CYB561D1: variants seen among roughly 807,000 people sequenced by gnomAD.
CYB561D1 encodes the protein cytochrome b561 family member D1.
A neutral mutation model predicts 19.2 loss-of-function variants in CYB561D1; 15 were observed. The ratio of observed to expected loss-of-function variants is 0.78; its 90% CI spans 0.52 to 1.20. The LOEUF (loss-of-function observed/expected upper bound fraction) is 1.20. CYB561D1 is among the 50% of genes most tolerant of loss of function. CYB561D1 has a pLI of 0.00. For synonymous variants in CYB561D1, 133 were observed against 120.6 expected, an observed-to-expected ratio of 1.10 and a Z score of -0.68; for missense variants, 297 against 287.3, an observed-to-expected ratio of 1.03 and a Z score of -0.24.
rs370869732 is a variant in CYB561D1 at position 109,494,167 on chromosome 1, C to A, written c.28C>A (p.Pro10Thr). 15 of 1,544,442 alleles carry A rather than the reference C, an allele frequency of 9.7e-6. No homozygotes were observed. In the South Asian group the frequency reaches 1.7e-4, roughly 17 times the overall value. MQPLEVGLV[P>T]APAGEPRLTR... The stretch of plus-strand genomic sequence containing the variant: ...GCAGCCCCTGGAGGTAGGTCTGGTT[C>A]CCGCTCCAGCTGGGGAGCCGAGACT... Residue 10 changes from proline to threonine, a missense_variant, in exon 1 of 3, where the codon CCC becomes ACC. Pro to Thr is a conservative substitution (Grantham distance 38, BLOSUM62 -1). Coordinates refer to ENST00000420578, the MANE Select transcript of CYB561D1 (RefSeq NM_182580.3).
rs994077207 is a variant in CYB561D1 at position 109,497,999 on chromosome 1, C to T, written c.*1740C>T. On this transcript the variant is annotated 3_prime_UTR_variant, in exon 3 of 3. Transcript: ENST00000420578. Reference sequence around the variant, plus strand: ...ATTGTCCTCCCTCCTCTCAAACTCTCCAGTGTGGTGTGAACTCAGAAGAAA... The same window carrying T: ...ATTGTCCTCCCTCCTCTCAAACTCTTCAGTGTGGTGTGAACTCAGAAGAAA... The T allele has an allele frequency of 6.6e-6, 1 of 152,316 alleles. No individual in the cohort carries two copies. The highest frequency in any genetic ancestry group is 1.5e-5 in the Non-Finnish European group (1 of 68,106). The allele number at this position is 152,316 out of a possible 1,614,324, so 9.4% of individuals were successfully genotyped here.
chr1:109,494,786 G>C (rs1476147510), intron 1 of CYB561D1, among the ~76,000 whole-genome samples: 1 of 151,702 alleles, frequency 6.6e-6, no homozygotes, highest in Non-Finnish European at 1.5e-5. Flanking sequence ...GCAGTGAGCC[G>C]AGATTGCACC....
rs1176969689 is a variant in CYB561D1 at position 109,498,268 on chromosome 1, C to G, written c.*2009C>G. On this transcript the variant is annotated 3_prime_UTR_variant, in exon 3 of 3. Transcript: ENST00000420578. ...GCTGGTGGGCGGGCGGGCAGGCGTGCTGACAGCCGGCAGTTTGCGTGGGCT... is the reference window on the plus strand; with the variant it reads ...GCTGGTGGGCGGGCGGGCAGGCGTGGTGACAGCCGGCAGTTTGCGTGGGCT... 2 of 152,358 alleles carry G rather than the reference C, an allele frequency of 1.3e-5. No individual in the cohort carries two copies. Among genetic ancestry groups the G allele is most frequent in the African/African-American group, 4.8e-5 (2 of 41,460 alleles). The allele number at this position is 152,358 out of a possible 1,614,324, so 9.4% of individuals were successfully genotyped here.
In CYB561D1 at chr1:109,496,089, T is replaced by C; in HGVS notation, c.520T>C (p.Tyr174His). 2 of 1,614,186 alleles carry C rather than the reference T, an allele frequency of 1.2e-6. No individual in the cohort carries two copies. The highest frequency in any genetic ancestry group is 1.7e-6 in the Non-Finnish European group (2 of 1,179,992). The change falls in exon 3 of 3, where the codon TAC becomes CAC. Residue 174 changes from tyrosine (Y) to histidine (H), a missense_variant. By Grantham distance (83) the Tyr-to-His change is moderately conservative. Transcript: ENST00000420578. ...LYHLTCGLVV[Y>H]LMATVTVLLG... Reference sequence around the variant, plus strand: ...CCATCTGACATGTGGACTGGTGGTCTACCTGATGGCTACAGTAACGGTGCT... The same window carrying C: ...CCATCTGACATGTGGACTGGTGGTCCACCTGATGGCTACAGTAACGGTGCT...
Position 109,496,168 on chromosome 1 carries a change from A to G in CYB561D1, c.599A>G (p.Tyr200Cys). The G allele has an allele frequency of 6.2e-7, 1 of 1,612,974 alleles. No homozygotes were observed. The highest frequency in any genetic ancestry group is 8.5e-7 in the Non-Finnish European group (1 of 1,179,016). The change falls in exon 3 of 3, where the codon TAC (tyrosine) becomes TGC (cysteine). Residue 200 changes from tyrosine (Y) to cysteine (C), a missense_variant. Tyr to Cys is a radical substitution (Grantham distance 194). Coordinates refer to ENST00000420578, the MANE Select transcript of CYB561D1 (RefSeq NM_182580.3). The stretch of plus-strand genomic sequence containing the variant: ...GCCCAGATCAAAGGTGCGGCCTGGT[A>G]CCTGTGCCTGGCACTGCCCGTCTAT... ...FQAQIKGAAW[Y>C]LCLALPVYPA...
Position 109,498,389 on chromosome 1 carries a change from C to G in CYB561D1, c.*2130C>G, listed in dbSNP as rs1483189660. On this transcript the variant is annotated 3_prime_UTR_variant, in exon 3 of 3. Transcript: ENST00000420578. ...CCCCAGCTGTCGCCTTTCTGACCAG[C>G]AGGCCTGGAGGGCAGGGGCACAGAG... The G allele has an allele frequency of 6.7e-6, 1 of 148,330 alleles. No homozygotes were observed. Among genetic ancestry groups the G allele is most frequent in the Non-Finnish European group, 1.5e-5 (1 of 66,812 alleles). The allele number at this position is 148,330 out of a possible 1,614,324, so 9.2% of individuals were successfully genotyped here.
At chr1:109,494,311 G>A in intron 1 of CYB561D1, 24 bp downstream of exon 1, 1 of 1,558,506 alleles carries the variant, frequency 6.4e-7, no homozygotes, top group Non-Finnish European at 8.7e-7. Context: ...GCGGGGTTGC[G>A]GAAGGGGGCG....
Position 109,495,689 on chromosome 1 carries a change from A to G in CYB561D1, c.187-67A>G, listed in dbSNP as rs202045101. 1.7e-3 allele frequency: 2,688 copies of G among 1,613,392 alleles called. 2 individuals carry two copies. Among genetic ancestry groups the G allele is most frequent in the Non-Finnish European group, 2.0e-3 (2,405 of 1,179,556 alleles). On this transcript the variant is annotated intron_variant, in intron 2 of 2. Transcript: ENST00000420578. ...TGTCCTCTTTGTTAGGATGTATGAG[A>G]GCACCTCCTTTTTCTCAGGCCTCCA...
rs1657341770 is a variant in CYB561D1 at position 109,494,215 on chromosome 1, A to G, written c.76A>G (p.Ser26Gly). 6.4e-6 allele frequency: 10 copies of G among 1,566,828 alleles called. No homozygotes were observed. The highest frequency in any genetic ancestry group is 7.8e-6 in the Non-Finnish European group (9 of 1,155,722). Residue 26 changes from serine to glycine, a missense_variant, in exon 1 of 3, where the codon AGT (serine) becomes GGT (glycine). Physicochemically the swap from Ser to Gly is moderately conservative, Grantham distance 56. Transcript: ENST00000420578. ...ACTGACCCGCTGGCTGCGGAGAGGC[A>G]GTGGGATCTTGGCGCACCTGGTAGC... ...PRLTRWLRRG[S>G]GILAHLVALG... is the part of the protein sequence containing the mutation.
chr1:109,494,515 C>T (rs1346149446), intron 1 of CYB561D1: 1 of 1,528,076 alleles, frequency 6.5e-7, no homozygotes, highest in African/African-American at 1.4e-5. Flanking sequence ...GAACTACTTC[C>T]TCAGAAACAG....
intron 1 of CYB561D1, among the ~76,000 whole-genome samples, 192 bp from the exon 2 acceptor site, chr1:109,494,943 TTGTATGTG>T (rs1406973053): frequency 6.6e-6 from 1 of 151,860 alleles, no homozygotes; most frequent in African/African-American, 2.4e-5. Flanking sequence ...GGCCAAACTG[TTGTATGTG>T]TGTGGATAAG....
At position 109,495,863 on chromosome 1, in the gene CYB561D1, C is replaced by A; in HGVS notation, c.294C>A (p.Thr98=). Residue 98 remains threonine, a synonymous_variant, in exon 3 of 3, where the codon ACC becomes ACA. Coordinates refer to ENST00000420578, the MANE Select transcript of CYB561D1 (RefSeq NM_182580.3). ...ARIRLHWAGQ[T]LAILCAALGL... ...TCCGGCTCCACTGGGCAGGGCAGACCCTAGCCATCCTCTGTGCAGCTCTGG... is the reference window on the plus strand; with the variant it reads ...TCCGGCTCCACTGGGCAGGGCAGACACTAGCCATCCTCTGTGCAGCTCTGG... 4 of 1,613,894 alleles carry A rather than the reference C, an allele frequency of 2.5e-6. No homozygotes were observed. The highest frequency in any genetic ancestry group is 3.4e-6 in the Non-Finnish European group (4 of 1,180,044).
chr1:109,495,988 T>G lies in CYB561D1; in HGVS notation c.419T>G (p.Val140Gly), dbSNP rs368939600. 2.5e-6 allele frequency: 4 copies of G among 1,610,302 alleles called. No individual in the cohort carries two copies. Among genetic ancestry groups the G allele is most frequent in the South Asian group, 1.1e-5 (1 of 90,832 alleles). Residue 140 changes from valine to glycine, a missense_variant, in exon 3 of 3, where the codon GTC (valine) becomes GGC (glycine). By Grantham distance (109) the Val-to-Gly change is moderately radical (BLOSUM62 -3). Coordinates refer to ENST00000420578, the MANE Select transcript of CYB561D1 (RefSeq NM_182580.3). ...VGALTLLATA[V>G]QALCGLCLLC... is the part of the protein sequence containing the mutation. ...GCCCTGACACTGCTGGCCACTGCTG[T>G]CCAGGCACTGTGTGGGCTCTGCCTC...
rs1571118901 is a variant in CYB561D1 at position 109,500,426 on chromosome 1, A to G, written c.*4167A>G. 2.6e-5 allele frequency: 4 copies of G among 152,188 alleles called. No homozygotes were observed. The East Asian group carries it at 7.7e-4, about 29-fold the overall frequency. 9.4% of individuals were successfully genotyped at this position (152,188 alleles called of 1,614,324 possible). On this transcript the variant is annotated 3_prime_UTR_variant, in exon 3 of 3. Transcript: ENST00000420578. Reference sequence around the variant, plus strand: ...AATTCAAAGCATTAAACACATGTAAACAGGTGGTATTATTATGTTCTTGTC... The same window carrying G: ...AATTCAAAGCATTAAACACATGTAAGCAGGTGGTATTATTATGTTCTTGTC...
rs761706943 is a variant in CYB561D1, at chr1:109,497,641, G to A, written c.*1382G>A. On this transcript the variant is annotated 3_prime_UTR_variant, in exon 3 of 3. Transcript: ENST00000420578. ...ACAACAGCTGAGCCAGGAAAGTGCTGCTGAGGCAAGTCGACATAGCTCACA... is the reference window on the plus strand; with the variant it reads ...ACAACAGCTGAGCCAGGAAAGTGCTACTGAGGCAAGTCGACATAGCTCACA... 2.6e-5 allele frequency: 4 copies of A among 152,314 alleles called. No individual in the cohort carries two copies. The highest frequency in any genetic ancestry group is 5.9e-5 in the Non-Finnish European group (4 of 68,116). The allele number at this position is 152,314 out of a possible 1,614,324, so 9.4% of individuals were successfully genotyped here. A position where few individuals can be genotyped will look rare whatever the true frequency, so the allele number is the denominator to read the frequency against.
chr1:109,495,102 C>T, intron 1 of CYB561D1, 41 bp from the exon 2 acceptor site: 1 of 1,610,766 alleles, frequency 6.2e-7, no homozygotes, highest in Non-Finnish European at 8.5e-7. Flanking sequence ...GGGGCAGGAA[C>T]AATGGTACCA....
rs116507159 is a variant in CYB561D1 at position 109,495,295 on chromosome 1, A to G, written c.186+115A>G. The G allele has an allele frequency of 1.3e-3, 1,584 of 1,235,048 alleles. 18 individuals carry two copies. The African/African-American group carries it at 0.022, about 17-fold the overall frequency. The allele number at this position is 1,235,048 out of a possible 1,614,324, so 76.5% of individuals were successfully genotyped here. The stretch of plus-strand genomic sequence containing the variant: ...TAAGGCTAAGACAGGTGGAGGAAAC[A>G]TCTAGGGCTCATCTTTCCCTGCAGC... On this transcript the variant is annotated intron_variant, in intron 2 of 2. Transcript: ENST00000420578.
intron 1 of CYB561D1, chr1:109,494,569 G>C: frequency 7.0e-7 from 1 of 1,427,218 alleles, no homozygotes; most frequent in Non-Finnish European, 9.4e-7. Context: ...GGGCGCGGTG[G>C]GTCATGCCTG....
Position 109,495,795 on chromosome 1 carries a change from C to G in CYB561D1, c.226C>G (p.Pro76Ala). 7 of 1,614,190 alleles carry G rather than the reference C, an allele frequency of 4.3e-6. No individual in the cohort carries two copies. Among genetic ancestry groups the G allele is most frequent in the Non-Finnish European group, 5.9e-6 (7 of 1,180,052 alleles). ...GGCTGAAGCCATCCTACTCTTCTCA[C>G]CTGAACACTCCCTGTTCTTCTTCTG... ...CMAEAILLFSPEHSLFFFCSR... is the reference protein window; with the variant it reads ...CMAEAILLFSAEHSLFFFCSR... The change falls in exon 3 of 3, where the codon CCT becomes GCT. Residue 76 changes from proline (P) to alanine (A), a missense_variant. Coordinates refer to ENST00000420578, the MANE Select transcript of CYB561D1 (RefSeq NM_182580.3).
Sources: allele counts gnomAD v4.1 joint callset (sites outside exome capture counted in the v4.1 genomes callset), GRCh38; gene constraint gnomAD v4.1.1; transcripts MANE v1.5; gene names NCBI Gene and HGNC (gene_info 2026-07-23, HGNC 2026-07-21).